Variants in SEL1L3 observed in about 807,000 individuals in gnomAD.
SEL1L3 encodes the protein SEL1L family member 3.
Under a neutral mutation model 142.8 loss-of-function variants are expected in SEL1L3, and 76 were observed. The ratio of observed to expected loss-of-function variants is 0.53; its 90% CI spans 0.44 to 0.64. The LOEUF is 0.64. SEL1L3 is among the 30% of genes least tolerant of loss of function. The pLI, the probability that SEL1L3 is intolerant of heterozygous loss-of-function variation, is 0.00. For synonymous variants in SEL1L3, 504 were observed against 519.6 expected (o/e 0.97, Z 0.41); for missense variants, 1,262 against 1,381.7 (o/e 0.91, Z 1.37).
rs1577595653 is a variant in SEL1L3 at position 25,783,005 on chromosome 4, T to C, written c.2281-587A>G. ...GAAGAATGAGAATCATATAACACTT[T>C]TCAGGCCATGACTATTCCAGATCAA... On this transcript the variant is annotated intron_variant, in intron 14 of 23. Transcript: ENST00000399878. Among the ~76,000 whole-genome samples the C allele has an allele frequency of 2.0e-5, 3 of 152,290 alleles. No individual in the cohort carries two copies. In the Middle Eastern group the frequency reaches 0.01, roughly 518 times the overall value.
intron 17 of SEL1L3, among the ~76,000 whole-genome samples, chr4:25,774,701 T>C (rs1262926300): frequency 3.3e-5 from 5 of 152,050 alleles, no homozygotes; most frequent in African/African-American, 9.7e-5. Flanking sequence ...CTACTAAAAA[T>C]ACAAAAATTA....
At chr4:25,755,486 T>A (rs908226425) in intron 23 of SEL1L3, among the ~76,000 whole-genome samples, 1 of 152,102 alleles carries the variant, frequency 6.6e-6, no homozygotes, top group South Asian at 2.1e-4. Flanking sequence ...GGGCATAGAA[T>A]TAAATAATTT....
chr4:25,747,292 A>T (rs1325764933), downstream of SEL1L3: 1 of 151,940 alleles, frequency 6.6e-6, no homozygotes, highest in Non-Finnish European at 1.5e-5. Flanking sequence ...CTATCCACAA[A>T]TATTAATGGG....
At chr4:25,719,178 TAAAA>T in the SEL1L3 span, 3 of 152,032 alleles carry the variant, frequency 2.0e-5, no homozygotes, top group Admixed American at 6.6e-5. Flanking sequence ...ATCTGTCTCT[TAAAA>T]AAGAAAAGAA....
chr4:25,752,946 T>G (rs1342471065), intron 23 of SEL1L3, among the ~76,000 whole-genome samples: 1 of 152,258 alleles, frequency 6.6e-6, no homozygotes, highest in Non-Finnish European at 1.5e-5. Context: ...TACATTGTGT[T>G]ACCTCATTTG....
chr4:25,854,818 T>C (rs1037477066), intron 1 of SEL1L3, among the ~76,000 whole-genome samples: 2 of 152,234 alleles, frequency 1.3e-5, no homozygotes, highest in Non-Finnish European at 2.9e-5. Context: ...AACATGAAGT[T>C]AAGCTAGGCA....
rs1379032799 is a variant in SEL1L3 at position 25,767,575 on chromosome 4, A to C, written c.2795T>G (p.Val932Gly). The change falls in exon 19 of 24, where the codon GTT becomes GGT. Residue 932 changes from valine to glycine, a missense_variant. This residue lies in a region of SEL1L3 where 435 missense variants were observed against 559.2 expected (regional missense o/e 0.78). Coordinates refer to ENST00000399878, the MANE Select transcript of SEL1L3 (RefSeq NM_015187.5). The part of the protein sequence containing the change: ...LARRYLGVNC[V>G]WRYYNFSVFQ... The stretch of plus-strand genomic sequence containing the variant: ...AACAGAGAAATTATAGTATCTCCAA[A>C]CACAGTTAACACCCAAGTATCTCCT... 6.2e-7 allele frequency: 1 copy of C among 1,600,850 alleles called. No homozygotes were observed. The highest frequency in any genetic ancestry group is 1.7e-5 in the Admixed American group (1 of 59,010).
At chr4:25,801,138 C>G (rs918099279) in intron 11 of SEL1L3, among the ~76,000 whole-genome samples, 3 of 152,254 alleles carry the variant, frequency 2.0e-5, no homozygotes, top group African/African-American at 7.2e-5. Flanking sequence ...CACAGTGGCT[C>G]ACGCCTATAA....
the SEL1L3 span, among the ~76,000 whole-genome samples, chr4:25,722,796 G>A: frequency 6.6e-6 from 1 of 151,936 alleles, no homozygotes; most frequent in African/African-American, 2.4e-5. Context: ...TCAGTAGTCA[G>A]AGCTGTGGGC....
intron 2 of SEL1L3, among the ~76,000 whole-genome samples, chr4:25,844,574 G>A (rs1716391816): frequency 6.6e-6 from 1 of 152,188 alleles, no homozygotes; most frequent in Non-Finnish European, 1.5e-5. Context: ...ACATTTTAAG[G>A]GCATATTCAG....
chr4:25,816,423 TC>T (rs1471582301), intron 9 of SEL1L3, among the ~76,000 whole-genome samples: 1 of 152,120 alleles, frequency 6.6e-6, no homozygotes, highest in African/African-American at 2.4e-5. Context: ...TGACGCAGCC[TC>T]CTGCCTACTT....
intron 2 of SEL1L3, among the ~76,000 whole-genome samples, chr4:25,844,211 GA>G (rs1355125312): frequency 1.3e-5 from 2 of 152,190 alleles, no homozygotes; most frequent in African/African-American, 4.8e-5. Context: ...GAACAAACCA[GA>G]GGCTTGGCCC....
At chr4:25,850,720 C>A (rs963541680) in intron 1 of SEL1L3, among the ~76,000 whole-genome samples, 2 of 152,260 alleles carry the variant, frequency 1.3e-5, no homozygotes, top group Non-Finnish European at 1.5e-5. Context: ...AATAGTACAT[C>A]CACTCATGGA....
At chr4:25,863,524 G>T, upstream of SEL1L3, 1 of 702,768 alleles carries the variant, frequency 1.4e-6, no homozygotes, top group Non-Finnish European at 2.6e-6. Flanking sequence ...CCCGCAGGGC[G>T]CAGGGCGAGT....
chr4:25,761,413 C>A (rs1384329707), intron 20 of SEL1L3, among the ~76,000 whole-genome samples: 1 of 152,128 alleles, frequency 6.6e-6, no homozygotes. Context: ...ACCTTGGCCT[C>A]CCAAAGTGCT....
chr4:25,815,947 C>CA (rs1316126627), intron 9 of SEL1L3, among the ~76,000 whole-genome samples: 2 of 148,280 alleles, frequency 1.3e-5, no homozygotes, highest in Non-Finnish European at 3.0e-5. Context: ...CAGCCCCCAA[C>CA]AAAAAAAAAT....
chr4:25,818,399 G>T, intron 8 of SEL1L3, 121 bp from the exon 9 acceptor site: 2 of 901,026 alleles, frequency 2.2e-6, no homozygotes, highest in East Asian at 3.0e-5. Context: ...GTTGGTTTTG[G>T]TCCTTTTGGG....
chr4:25,820,730 T>C (rs1025050228), intron 7 of SEL1L3, among the ~76,000 whole-genome samples: 1 of 152,248 alleles, frequency 6.6e-6, no homozygotes, highest in Non-Finnish European at 1.5e-5. Context: ...AATATATGTA[T>C]GCATATGTAT....
At chr4:25,755,442 C>T (rs1352492305) in intron 23 of SEL1L3, among the ~76,000 whole-genome samples, 1 of 152,006 alleles carries the variant, frequency 6.6e-6, no homozygotes, top group Non-Finnish European at 1.5e-5. Flanking sequence ...GCTACTTCGC[C>T]TCTCTGCCTC....
Sources: allele counts gnomAD v4.1 joint callset (sites outside exome capture counted in the v4.1 genomes callset), GRCh38; gene constraint gnomAD v4.1.1; regional missense constraint gnomAD v4.1.1; transcripts MANE v1.5; gene names NCBI Gene and HGNC (gene_info 2026-07-23, HGNC 2026-07-21).